DLG2: variants seen among roughly 807,000 people sequenced by gnomAD.
The protein encoded by DLG2 is discs large MAGUK scaffold protein 2.
A neutral mutation model predicts 132.5 loss-of-function variants in DLG2; 45 were observed. That is an observed-to-expected ratio of 0.34 (90% confidence interval 0.27 to 0.44). The LOEUF is 0.44. Ranked by LOEUF, DLG2 falls within the 20% of genes least tolerant of loss-of-function variation. The probability of loss-of-function intolerance (pLI) is 1.00; values close to 1 mark genes in which losing one functional copy is unlikely to be tolerated. For missense variants in DLG2, 1,045 were observed against 1,196.9 expected (o/e 0.87, Z 1.87); for synonymous variants, 424 against 419.6 (o/e 1.01, Z -0.13).
intron 6 of DLG2, among the ~76,000 whole-genome samples, chr11:84,947,669 T>C (rs2050390619): frequency 6.6e-6 from 1 of 152,234 alleles, no homozygotes. Flanking sequence ...ATAAATAGCC[T>C]CTGCTTGTTC....
chr11:84,291,296 A>ATTTTTT (rs2097992477), intron 7 of DLG2, among the ~76,000 whole-genome samples: 1 of 152,174 alleles, frequency 6.6e-6, no homozygotes, highest in African/African-American at 2.4e-5. Flanking sequence ...AACAGAATTA[A>ATTTTTT]TAAGGTTAGG....
At chr11:84,546,036 G>C (rs2099389146) in intron 6 of DLG2, among the ~76,000 whole-genome samples, 1 of 152,140 alleles carries the variant, frequency 6.6e-6, no homozygotes, top group Admixed American at 6.5e-5. Flanking sequence ...GATTGTGAGA[G>C]TGACCCACCA....
chr11:85,626,472 A>T (rs2082036465), intron 2 of DLG2, 115 bp downstream of exon 2: 1 of 152,248 alleles, frequency 6.6e-6, no homozygotes. Flanking sequence ...TACCACTGAA[A>T]CTATATTACA....
intron 6 of DLG2, among the ~76,000 whole-genome samples, chr11:84,897,940 T>TA: frequency 6.6e-6 from 1 of 151,952 alleles, no homozygotes; most frequent in South Asian, 2.1e-4. Flanking sequence ...TAAGCTCCTA[T>TA]AAAAAAGACT....
chr11:85,446,377 ATTAG>A (rs1297489629), intron 3 of DLG2, among the ~76,000 whole-genome samples: 4 of 152,230 alleles, frequency 2.6e-5, no homozygotes, highest in African/African-American at 7.2e-5. Flanking sequence ...TCTAAGAGAA[ATTAG>A]TTAGATTTTA....
chr11:84,538,830 G>GT (rs527472617), intron 6 of DLG2, among the ~76,000 whole-genome samples: 140 of 150,956 alleles, frequency 9.3e-4, no homozygotes, highest in Middle Eastern at 3.4e-3. Context: ...ACATTCCCGT[G>GT]TTTTTTTTTC....
intron 7 of DLG2, among the ~76,000 whole-genome samples, chr11:84,309,593 T>G (rs1254638910): frequency 6.6e-6 from 1 of 152,158 alleles, no homozygotes; most frequent in Non-Finnish European, 1.5e-5. Flanking sequence ...TTACAAAACA[T>G]CTAGATTCCT....
At chr11:84,169,366 T>C (rs961866539) in intron 8 of DLG2, among the ~76,000 whole-genome samples, 3 of 152,214 alleles carry the variant, frequency 2.0e-5, no homozygotes, top group African/African-American at 7.2e-5. Flanking sequence ...TACAAATCTA[T>C]AAGGGTCACA....
At chr11:83,576,963 A>T (rs1412663563) in intron 19 of DLG2, among the ~76,000 whole-genome samples, 1 of 152,222 alleles carries the variant, frequency 6.6e-6, no homozygotes, top group Non-Finnish European at 1.5e-5. Flanking sequence ...ATTGGATTGA[A>T]GGATACAAAG....
chr11:84,714,595 T>TTCTCTTTCTCTTTCTCTTTCTTTC lies in DLG2; in HGVS notation c.358-179865_358-179864insGAAAGAAAGAGAAAGAGAAAGAGA, dbSNP rs1351118874. ...TTTCTCTTTCTCTTTCTCTTTCTCT[T>TTCTCTTTCTCTTTCTCTTTCTTTC]TCTTTCTCTTTCTCTTTCTCTTTCT... On this transcript the variant is annotated intron_variant, in intron 6 of 27. Transcript: ENST00000376104. Among the ~76,000 whole-genome samples, 12 of 103,916 alleles carry TTCTCTTTCTCTTTCTCTTTCTTTC rather than the reference T, an allele frequency of 1.2e-4. No homozygotes were observed. The East Asian group carries it at 1.5e-3, about 13-fold the overall frequency. The allele number at this position is 103,916 out of a possible 152,430, so 68.2% of individuals were successfully genotyped here. A position where few individuals can be genotyped will look rare whatever the true frequency, so the allele number is the denominator to read the frequency against.
At chr11:84,504,674 C>T (rs903866602) in intron 7 of DLG2, among the ~76,000 whole-genome samples, 3 of 151,900 alleles carry the variant, frequency 2.0e-5, no homozygotes, top group Non-Finnish European at 4.4e-5. Flanking sequence ...CTTAAAAAGC[C>T]ATTTTTAACA....
chr11:83,964,981 GA>G (rs1451133746), intron 13 of DLG2, among the ~76,000 whole-genome samples: 2 of 151,980 alleles, frequency 1.3e-5, no homozygotes, highest in Non-Finnish European at 2.9e-5. Context: ...ACAGAGATCT[GA>G]AGTTGGAAGA....
intron 6 of DLG2, among the ~76,000 whole-genome samples, chr11:84,904,523 C>G (rs948003022): frequency 6.6e-6 from 1 of 152,196 alleles, no homozygotes; most frequent in Non-Finnish European, 1.5e-5. Flanking sequence ...TTCCTACTGT[C>G]ACACATTGCC....
chr11:83,914,830 C>T (rs766212127), intron 15 of DLG2, among the ~76,000 whole-genome samples: 3 of 152,008 alleles, frequency 2.0e-5, no homozygotes, highest in East Asian at 3.9e-4. Flanking sequence ...GATCGATATC[C>T]GGTAGGTATG....
At chr11:83,922,473 AGG>A (rs1341386307) in intron 15 of DLG2, among the ~76,000 whole-genome samples, 3 of 152,174 alleles carry the variant, frequency 2.0e-5, no homozygotes, top group Non-Finnish European at 4.4e-5. Flanking sequence ...TCATTCTCAG[AGG>A]GCTCAGTCTC....
chr11:84,820,257 C>T (rs1345988816), intron 6 of DLG2, among the ~76,000 whole-genome samples: 1 of 151,762 alleles, frequency 6.6e-6, no homozygotes, highest in Non-Finnish European at 1.5e-5. Context: ...TGGAGCAATA[C>T]AATCTATTAC....
At chr11:84,973,560 A>G (rs2054417346) in intron 6 of DLG2, among the ~76,000 whole-genome samples, 1 of 152,234 alleles carries the variant, frequency 6.6e-6, no homozygotes, top group East Asian at 1.9e-4. Context: ...ATTAAAGTGC[A>G]TTATTAATTT....
intron 17 of DLG2, among the ~76,000 whole-genome samples, chr11:83,802,204 T>C (rs544801977): frequency 6.6e-6 from 1 of 152,116 alleles, no homozygotes; most frequent in East Asian, 1.9e-4. Flanking sequence ...GAAGCACCAA[T>C]ATGTCTTAAA....
At chr11:84,890,165 A>C (rs1264395941) in intron 6 of DLG2, among the ~76,000 whole-genome samples, 1 of 152,166 alleles carries the variant, frequency 6.6e-6, no homozygotes, top group Non-Finnish European at 1.5e-5. Flanking sequence ...AAGGGTATAA[A>C]GGATTGATTG....
Sources: allele counts gnomAD v4.1 joint callset (sites outside exome capture counted in the v4.1 genomes callset), GRCh38; gene constraint gnomAD v4.1.1; transcripts MANE v1.5; gene names NCBI Gene and HGNC (gene_info 2026-07-23, HGNC 2026-07-21).